Variants in CAMTA1 observed in about 807,000 individuals in gnomAD.
The protein encoded by CAMTA1 is calmodulin-binding transcription activator 1.
A neutral mutation model predicts 170.9 loss-of-function variants in CAMTA1; 27 were observed. The ratio of observed to expected loss-of-function variants is 0.16; its 90% CI spans 0.12 to 0.22. The LOEUF (loss-of-function observed/expected upper bound fraction) is 0.22, where lower values mean the gene tolerates loss of function less well. CAMTA1 is among the 10% of genes least tolerant of loss of function. The pLI is 1.00. For missense variants in CAMTA1, 1,619 were observed against 2,217.2 expected, an observed-to-expected ratio of 0.73 and a Z score of 5.42; for synonymous variants, 833 against 891.5, an observed-to-expected ratio of 0.93 and a Z score of 1.17.
intron 4 of CAMTA1, among the ~76,000 whole-genome samples, chr1:7,225,466 C>T (rs567302699): frequency 1.6e-4 from 24 of 152,302 alleles, no homozygotes; most frequent in South Asian, 1.0e-3. Context: ...GCCTTTTCTC[C>T]GAGTGGCCCT....
At chr1:7,222,496 C>G (rs1660970630) in intron 4 of CAMTA1, among the ~76,000 whole-genome samples, 1 of 152,200 alleles carries the variant, frequency 6.6e-6, no homozygotes, top group South Asian at 2.1e-4. Flanking sequence ...TGCCTCCCTC[C>G]CTGGCTCTAC....
intron 1 of CAMTA1, among the ~76,000 whole-genome samples, chr1:6,793,225 A>T (rs1343348609): frequency 6.6e-6 from 1 of 152,072 alleles, no homozygotes; most frequent in Non-Finnish European, 1.5e-5. Context: ...TAATTTTTGG[A>T]TGTGTAATAT....
intron 3 of CAMTA1, among the ~76,000 whole-genome samples, chr1:6,962,486 G>A (rs1572059689): frequency 1.0e-5 from 1 of 97,772 alleles, no homozygotes; most frequent in African/African-American, 4.1e-5. Flanking sequence ...TGCCAGCCCC[G>A]CCCCCTCAGA....
intron 6 of CAMTA1, among the ~76,000 whole-genome samples, chr1:7,603,938 A>G (rs1256316507): frequency 6.6e-6 from 1 of 152,146 alleles, no homozygotes; most frequent in African/African-American, 2.4e-5. Context: ...TCCTTCACTT[A>G]TGAAGCTTAG....
rs989147228 is a variant in CAMTA1 at position 6,825,132 on chromosome 1, T to C, written c.156T>C (p.Phe52=). The C allele has an allele frequency of 9.9e-6, 16 of 1,610,408 alleles. No individual in the cohort carries two copies. Among genetic ancestry groups the C allele is most frequent in the Non-Finnish European group, 1.4e-5 (16 of 1,178,638 alleles). Residue 52 remains phenylalanine (F), a synonymous_variant, in exon 3 of 23, where the codon TTT becomes TTC. Transcript: ENST00000303635. ...GNSNSSHVKI[F]LPKKLLECLP... The stretch of plus-strand genomic sequence containing the variant: ...GCAATAGTAGTCATGTAAAAATCTT[T>C]TTACCGAAAAAGCTGCTTGAATGTC...
chr1:7,367,328 G>C (rs2150024051), intron 5 of CAMTA1, among the ~76,000 whole-genome samples: 1 of 152,354 alleles, frequency 6.6e-6, no homozygotes, highest in South Asian at 2.1e-4. Context: ...CTGACATAAA[G>C]GAGACCAGAC....
intron 22 of CAMTA1, among the ~76,000 whole-genome samples, chr1:7,764,434 C>T (rs78568315): frequency 0.021 from 3,140 of 152,288 alleles, 101 homozygotes; most frequent in African/African-American, 0.071. Flanking sequence ...TTTAGTATTA[C>T]TGATAACATC....
chr1:7,627,981 G>A (rs1477152530), intron 6 of CAMTA1, among the ~76,000 whole-genome samples: 1 of 152,232 alleles, frequency 6.6e-6, no homozygotes, highest in African/African-American at 2.4e-5. Context: ...GAAAGAAGAT[G>A]TGATCATTTT....
At position 7,300,977 on chromosome 1, in the gene CAMTA1, T is replaced by C. The variant is rs1557471106; in HGVS notation, c.438+51351T>C. Reference sequence around the variant, plus strand: ...GAGATACAACACACACATTGGATTCTAGCAGCAATTACCCACCATCCTTTA... The same window carrying C: ...GAGATACAACACACACATTGGATTCCAGCAGCAATTACCCACCATCCTTTA... On this transcript the variant is annotated intron_variant, in intron 5 of 22. Transcript: ENST00000303635. The surrounding 1 kb of genome is among the most constrained non-coding windows in gnomAD (Gnocchi z 4.1). Among the ~76,000 whole-genome samples, 1 of 152,254 alleles carries C rather than the reference T, an allele frequency of 6.6e-6. No homozygotes were observed.
chr1:6,920,351 T>C (rs1038638877), intron 3 of CAMTA1, among the ~76,000 whole-genome samples: 4 of 152,244 alleles, frequency 2.6e-5, no homozygotes, highest in African/African-American at 9.6e-5. Flanking sequence ...AAGAGGTGGG[T>C]TCCCATGGTC....
At chr1:7,410,655 T>A (rs1003633328) in intron 5 of CAMTA1, among the ~76,000 whole-genome samples, 17 of 152,228 alleles carry the variant, frequency 1.1e-4, no homozygotes, top group African/African-American at 4.1e-4. Context: ...TCAGCTCAGG[T>A]TGAAGAACTC....
At chr1:6,808,484 G>T (rs1054994898) in intron 1 of CAMTA1, among the ~76,000 whole-genome samples, 4 of 152,162 alleles carry the variant, frequency 2.6e-5, no homozygotes, top group African/African-American at 7.2e-5. Flanking sequence ...CTGACTTTCT[G>T]TGTCTTCTGT....
chr1:7,293,926 G>A lies in CAMTA1; in HGVS notation c.438+44300G>A, dbSNP rs571560242. 3.3e-5 allele frequency among the ~76,000 whole-genome samples: 5 copies of A among 152,270 alleles called. No individual in the cohort carries two copies. Among genetic ancestry groups the A allele is most frequent in the East Asian group, 3.9e-4 (2 of 5,176 alleles). ...GCTTTTGTAATCCTTTTTCTGCTTC[G>A]TGCTAGCAGCCTCGCACTTCCCACC... On this transcript the variant is annotated intron_variant, in intron 5 of 22. Coordinates refer to ENST00000303635, the MANE Select transcript of CAMTA1 (RefSeq NM_015215.4). This position sits in a 1 kb window ranked among gnomAD's most constrained non-coding sequence, Gnocchi z 4.1.
At chr1:7,219,894 G>A (rs1660434018) in intron 4 of CAMTA1, among the ~76,000 whole-genome samples, 1 of 152,156 alleles carries the variant, frequency 6.6e-6, no homozygotes, top group Non-Finnish European at 1.5e-5. Flanking sequence ...AAAAAGAAGA[G>A]GAAGATACTA....
At chr1:6,952,205 C>T (rs565156427) in intron 3 of CAMTA1, among the ~76,000 whole-genome samples, 3,104 of 150,264 alleles carry the variant, frequency 0.021, 60 homozygotes, top group Middle Eastern at 0.039. Flanking sequence ...CTGAGGCGGG[C>T]GGATCACGAG....
chr1:7,729,071 T>A (rs1476208252), intron 11 of CAMTA1, among the ~76,000 whole-genome samples: 1 of 152,160 alleles, frequency 6.6e-6, no homozygotes, highest in Non-Finnish European at 1.5e-5. Context: ...TTTCTTGCAT[T>A]GTTGTTCCTG....
rs74051113 is a variant in CAMTA1, at chr1:7,088,843, C to T, written c.235-2461C>T. 7.1e-3 allele frequency among the ~76,000 whole-genome samples: 1,076 copies of T among 152,296 alleles called. 12 individuals are homozygous for T. The highest frequency in any genetic ancestry group is 0.025 in the African/African-American group (1,029 of 41,564). On this transcript the variant is annotated intron_variant, in intron 3 of 22. Coordinates refer to ENST00000303635, the MANE Select transcript of CAMTA1 (RefSeq NM_015215.4). The stretch of plus-strand genomic sequence containing the variant: ...TGAAGTTCAGGTAGATAAGCTGATG[C>T]ACGTGACAAGTGGCTTAGTAAATCC...
intron 5 of CAMTA1, among the ~76,000 whole-genome samples, chr1:7,296,705 A>G (rs951777901): frequency 6.6e-6 from 1 of 152,146 alleles, no homozygotes; most frequent in African/African-American, 2.4e-5. Flanking sequence ...GTCAAGGGTG[A>G]TGTTCAGATG....
At position 7,642,234 on chromosome 1, in the gene CAMTA1, G is replaced by C. The variant is rs2095767920; in HGVS notation, c.664+1681G>C. 6.6e-6 allele frequency among the ~76,000 whole-genome samples: 1 copy of C among 152,192 alleles called. No individual in the cohort carries two copies. The highest frequency in any genetic ancestry group is 1.5e-5 in the Non-Finnish European group (1 of 68,034). ...CTCTTCAAAATGCTGCCGAGCACCG[G>C]GAAGCATGGGGAAATGGCACAGCTG... On this transcript the variant is annotated intron_variant, in intron 7 of 22. Coordinates refer to ENST00000303635, the MANE Select transcript of CAMTA1 (RefSeq NM_015215.4). The surrounding 1 kb of genome is among the most constrained non-coding windows in gnomAD (Gnocchi z 6.3).
Sources: gnomAD v4.1 joint callset for allele counts (sites outside exome capture counted in the v4.1 genomes callset) on GRCh38, gnomAD v4.1.1 for gene constraint, Gnocchi (gnomAD v3.1) non-coding constraint, MANE v1.5 for transcripts, NCBI Gene and HGNC (gene_info 2026-07-23, HGNC 2026-07-21) for gene names.